FAT4: variants seen among roughly 807,000 people sequenced by gnomAD.
FAT4 encodes the protein protocadherin Fat 4.
A neutral mutation model predicts 303.9 loss-of-function variants in FAT4; 84 were observed. The observed-to-expected ratio is 0.28, with a 90% CI of 0.23 to 0.33. The LOEUF (loss-of-function observed/expected upper bound fraction) is 0.33. FAT4 is among the 10% of genes least tolerant of loss of function. The pLI, the probability that FAT4 is intolerant of heterozygous loss-of-function variation, is 1.00. For synonymous variants in FAT4, 2,307 were observed against 2,298.8 expected, an observed-to-expected ratio of 1.00 and a Z score of -0.10; for missense variants, 6,005 against 6,146.8, an observed-to-expected ratio of 0.98 and a Z score of 0.77.
chr4:125,454,415 G>T (rs1477200835), intron 10 of FAT4, among the ~76,000 whole-genome samples: 2 of 152,226 alleles, frequency 1.3e-5, no homozygotes, highest in African/African-American at 4.8e-5. Flanking sequence ...CACAGAATCT[G>T]ATTTAGCTAT....
chr4:125,476,303 T>A (rs1193367083), intron 13 of FAT4, 47 bp downstream of exon 13: 10 of 1,080,832 alleles, frequency 9.3e-6, no homozygotes, highest in Admixed American at 2.2e-5. Context: ...TAAAATTTTT[T>A]AAAATAAACT....
intron 8 of FAT4, among the ~76,000 whole-genome samples, chr4:125,435,904 C>T (rs1475481708): frequency 1.3e-5 from 2 of 151,916 alleles, no homozygotes; most frequent in Non-Finnish European, 2.9e-5. Context: ...CATTTAGGCA[C>T]TAATTAATAT....
rs568279591 is a variant in FAT4, at chr4:125,449,685, A to C, written c.8675A>C (p.Lys2892Thr). 1.2e-6 allele frequency: 2 copies of C among 1,613,994 alleles called. No individual in the cohort carries two copies. The highest frequency in any genetic ancestry group is 2.7e-5 in the African/African-American group (2 of 75,040). ...DCPELTEIGS[K>T]VTQVFATDPD... ...CCTGAACTTACTGAGATTGGCTCCAAAGTAACTCAGGTATTTGCAACAGAT... is the reference window on the plus strand; with the variant it reads ...CCTGAACTTACTGAGATTGGCTCCACAGTAACTCAGGTATTTGCAACAGAT... Residue 2892 changes from lysine to threonine, a missense_variant, in exon 10 of 18, where the codon AAA (lysine) becomes ACA (threonine). Lys to Thr is a moderately conservative substitution (Grantham distance 78). Transcript: ENST00000394329.
chr4:125,465,643 C>T (rs76556468), intron 11 of FAT4, among the ~76,000 whole-genome samples: 3,772 of 152,260 alleles, frequency 0.025, 161 homozygotes, highest in African/African-American at 0.087. Flanking sequence ...AGTGGAACTA[C>T]TTGAGGGGCC....
chr4:125,438,893 G>T (rs565531732), intron 8 of FAT4, among the ~76,000 whole-genome samples: 1 of 152,028 alleles, frequency 6.6e-6, no homozygotes, highest in Non-Finnish European at 1.5e-5. Flanking sequence ...ACATGGTTCG[G>T]TTATTTACTG....
At position 125,416,548 on chromosome 4, in the gene FAT4, A is replaced by T; in HGVS notation, c.6944A>T (p.Glu2315Val). ...GCTTTTACTCTCTCAGCCAGTGGAGAACTTGGAGTAACACAGAGTCTGGAT... is the reference window on the plus strand; with the variant it reads ...GCTTTTACTCTCTCAGCCAGTGGAGTACTTGGAGTAACACAGAGTCTGGAT... ...DNAFTLSASG[E>V]LGVTQSLDRE... The change falls in exon 7 of 18, where the codon GAA becomes GTA. Residue 2315 changes from glutamate (E) to valine (V), a missense_variant. By Grantham distance (121) the Glu-to-Val change is moderately radical (BLOSUM62 -2). Transcript: ENST00000394329. The T allele has an allele frequency of 6.2e-7, 1 of 1,613,990 alleles. No homozygotes were observed. Among genetic ancestry groups the T allele is most frequent in the Non-Finnish European group, 8.5e-7 (1 of 1,179,916 alleles).
Position 125,491,649 on chromosome 4 carries a change from T to C in FAT4, c.14833T>C (p.Tyr4945His). The change falls in exon 18 of 18, where the codon TAT becomes CAT. Residue 4945 changes from tyrosine to histidine, a missense_variant. By Grantham distance (83) the Tyr-to-His change is moderately conservative. Transcript: ENST00000394329. ...GAACTGGGGCCCTGGCTTTGGCCATTATGTAGATGTTTTTAAAGATTTGGC... is the reference window on the plus strand; with the variant it reads ...GAACTGGGGCCCTGGCTTTGGCCATCATGTAGATGTTTTTAAAGATTTGGC... Reference protein sequence around the residue: ...LLNWGPGFGHYVDVFKDLASL... With the variant: ...LLNWGPGFGHHVDVFKDLASL... 1 of 1,614,130 alleles carries C rather than the reference T, an allele frequency of 6.2e-7. No homozygotes were observed.
intron 2 of FAT4, among the ~76,000 whole-genome samples, chr4:125,359,183 A>G (rs2710558): frequency 0.52 from 79,622 of 151,886 alleles, 20,912 homozygotes; most frequent in Admixed American, 0.62. Context: ...ATTCTATGAT[A>G]TAGATACTAC....
intron 2 of FAT4, among the ~76,000 whole-genome samples, chr4:125,371,736 G>T (rs973127241): frequency 1.3e-5 from 2 of 150,664 alleles, no homozygotes; most frequent in African/African-American, 4.9e-5. Context: ...ATATATATAA[G>T]AAATATATAA....
chr4:125,463,499 G>A (rs1726552072), intron 10 of FAT4, 64 bp from the exon 11 acceptor site: 1 of 899,530 alleles, frequency 1.1e-6, no homozygotes, highest in Non-Finnish European at 1.7e-6. Flanking sequence ...GTATGGTAAT[G>A]GTGTAACGGT....
At chr4:125,487,125 A>G (rs1026690934) in intron 16 of FAT4, among the ~76,000 whole-genome samples, 2 of 152,188 alleles carry the variant, frequency 1.3e-5, no homozygotes, top group Non-Finnish European at 2.9e-5. Context: ...GAAATTAGGT[A>G]TACATATAAG....
At chr4:125,448,402 C>A in intron 9 of FAT4, 59 bp from the exon 10 acceptor site, 6 of 1,475,742 alleles carry the variant, frequency 4.1e-6, no homozygotes, top group Non-Finnish European at 5.5e-6. Flanking sequence ...CACTTATCTG[C>A]TACCAAATAT....
At chr4:125,328,058 G>A (rs1731227977) in intron 2 of FAT4, among the ~76,000 whole-genome samples, 1 of 152,092 alleles carries the variant, frequency 6.6e-6, no homozygotes, top group Non-Finnish European at 1.5e-5. Context: ...ACTCGTGAGT[G>A]GAAATAGGAA....
Position 125,463,575 on chromosome 4 carries a change from A to T in FAT4, c.11813A>T (p.Glu3938Val). 4 of 1,580,210 alleles carry T rather than the reference A, an allele frequency of 2.5e-6. No homozygotes were observed. Among genetic ancestry groups the T allele is most frequent in the East Asian group, 4.5e-5 (2 of 44,258 alleles). ...CKTGYTGKMC[E>V]SSVNYCECNP... ...TGATATATTTTAGGGAAAATGTGTG[A>T]ATCTTCAGTCAATTACTGTGAATGC... Residue 3938 changes from glutamate to valine, a missense_variant, in exon 11 of 18, where the codon GAA becomes GTA. Physicochemically the swap from Glu to Val is moderately radical, Grantham distance 121. Coordinates refer to ENST00000394329, the MANE Select transcript of FAT4 (RefSeq NM_001291303.3).
chr4:125,409,646 T>C (rs867356037), intron 5 of FAT4, among the ~76,000 whole-genome samples: 1 of 152,344 alleles, frequency 6.6e-6, no homozygotes, highest in African/African-American at 2.4e-5. Flanking sequence ...AAATTTTGCA[T>C]TAAATTTATA....
Position 125,468,569 on chromosome 4 carries a change from T to C in FAT4, c.11963T>C (p.Met3988Thr). 2 of 1,614,016 alleles carry C rather than the reference T, an allele frequency of 1.2e-6. No individual in the cohort carries two copies. Among genetic ancestry groups the C allele is most frequent in the Non-Finnish European group, 1.7e-6 (2 of 1,179,912 alleles). ...NSYGFEELSY[M>T]EFPSLDPNNN... ...TATGGATTTGAGGAGTTATCATACA[T>C]GGAATTTCCAAGCTTGGACCCCAAT... is the stretch of plus-strand genomic sequence containing the variant. The change falls in exon 12 of 18, where the codon ATG (methionine) becomes ACG (threonine). Residue 3988 changes from methionine (M) to threonine (T), a missense_variant. Coordinates refer to ENST00000394329, the MANE Select transcript of FAT4 (RefSeq NM_001291303.3).
intron 2 of FAT4, among the ~76,000 whole-genome samples, chr4:125,340,136 C>T (rs2125967137): frequency 6.6e-6 from 1 of 151,846 alleles, no homozygotes; most frequent in Non-Finnish European, 1.5e-5. Context: ...GGCTCTTATT[C>T]TTTTCTATTT....
intron 2 of FAT4, among the ~76,000 whole-genome samples, chr4:125,379,642 T>C (rs898253915): frequency 6.6e-6 from 1 of 151,816 alleles, no homozygotes; most frequent in African/African-American, 2.4e-5. Context: ...GTATTTTTAG[T>C]GGAGACATGG....
At chr4:125,390,182 G>C (rs986778187) in intron 2 of FAT4, among the ~76,000 whole-genome samples, 4 of 152,030 alleles carry the variant, frequency 2.6e-5, no homozygotes, top group African/African-American at 9.7e-5. Context: ...GTACAATTAG[G>C]CGTTGAATTT....
Sources: allele counts gnomAD v4.1 joint callset (sites outside exome capture counted in the v4.1 genomes callset), GRCh38; gene constraint gnomAD v4.1.1; transcripts MANE v1.5; gene names NCBI Gene and HGNC (gene_info 2026-07-23, HGNC 2026-07-21).